AAR2: variants seen among roughly 807,000 people sequenced by gnomAD.
AAR2 encodes the protein AAR2 splicing factor, also known as protein AAR2 homolog.
A neutral mutation model predicts 26.9 loss-of-function variants in AAR2; 31 were observed. The ratio of observed to expected loss-of-function variants is 1.15; its 90% CI spans 0.86 to 1.55. The LOEUF (loss-of-function observed/expected upper bound fraction) is 1.55, where lower values mean the gene tolerates loss of function less well. Among genes scored for constraint, AAR2 ranks in the 40% most tolerant of loss-of-function variants. AAR2 has a pLI of 0.00. For missense variants in AAR2, 430 were observed against 491.3 expected (o/e 0.88, Z 1.18); for synonymous variants, 188 against 196.1 (o/e 0.96, Z 0.34).
intron 2 of AAR2, among the ~76,000 whole-genome samples, chr20:36,243,382 A>G (rs2064702665): frequency 6.6e-6 from 1 of 152,264 alleles, no homozygotes; most frequent in Non-Finnish European, 1.5e-5. Flanking sequence ...TAAACCAGGT[A>G]GCTATTCACA....
intron 1 of AAR2, among the ~76,000 whole-genome samples, chr20:36,237,715 T>C (rs2064626047): frequency 6.6e-6 from 1 of 150,920 alleles, no homozygotes; most frequent in African/African-American, 2.4e-5. Context: ...ATTAAATACT[T>C]TCTGAATTCA....
At chr20:36,243,810 T>G (rs1020876813) in intron 2 of AAR2, among the ~76,000 whole-genome samples, 7 of 152,324 alleles carry the variant, frequency 4.6e-5, no homozygotes, top group Non-Finnish European at 1.0e-4. Flanking sequence ...GAGGCCTTAA[T>G]AGATTGAGTA....
At chr20:36,246,790 A>G (rs566943439) in intron 3 of AAR2, among the ~76,000 whole-genome samples, 1 of 152,390 alleles carries the variant, frequency 6.6e-6, no homozygotes, top group East Asian at 1.9e-4. Context: ...ATGGTTGGAA[A>G]CATTCAGTCT....
At chr20:36,245,606 T>A (rs1326637488) in intron 3 of AAR2, among the ~76,000 whole-genome samples, 1 of 152,192 alleles carries the variant, frequency 6.6e-6, no homozygotes, top group Non-Finnish European at 1.5e-5. Flanking sequence ...TTCCATACTT[T>A]CCCTCCCATG....
In AAR2 at chr20:36,239,951, A is replaced by G. The variant is rs149863164; in HGVS notation, c.83A>G (p.Lys28Arg). Residue 28 changes from lysine to arginine, a missense_variant, in exon 2 of 4, where the codon AAG becomes AGG. Transcript: ENST00000320849. ...GATVVILNMP[K>R]GTEFGIDYNS... The stretch of plus-strand genomic sequence containing the variant: ...ACTGTGGTCATCCTGAACATGCCCA[A>G]GGGAACAGAGTTTGGGATTGACTAT... 35 of 1,614,140 alleles carry G rather than the reference A, an allele frequency of 2.2e-5. No individual in the cohort carries two copies. Among genetic ancestry groups the G allele is most frequent in the Non-Finnish European group, 2.5e-5 (30 of 1,179,986 alleles).
chr20:36,239,749 C>A (rs1601173280), intron 1 of AAR2, 72 bp from the exon 2 acceptor site: 1 of 1,219,952 alleles, frequency 8.2e-7, no homozygotes, highest in East Asian at 2.4e-5. Flanking sequence ...ATATCTGGCA[C>A]ATACAGAATG....
chr20:36,244,812 C>T lies in AAR2; in HGVS notation c.873C>T (p.His291=). 1 of 1,614,182 alleles carries T rather than the reference C, an allele frequency of 6.2e-7. No homozygotes were observed. The highest frequency in any genetic ancestry group is 8.5e-7 in the Non-Finnish European group (1 of 1,180,036). Residue 291 remains histidine (H), a synonymous_variant, in exon 3 of 4, where the codon CAC becomes CAT. Coordinates refer to ENST00000320849, the MANE Select transcript of AAR2 (RefSeq NM_001271874.2). Reference sequence around the variant, plus strand: ...GGTCAGAAGCAGCCATGATGAAGCACCACACCCTCTACATCAACCTCATCT... The same window carrying T: ...GGTCAGAAGCAGCCATGATGAAGCATCACACCCTCTACATCAACCTCATCT... ...LCRSEAAMMK[H]HTLYINLISI...
chr20:36,244,924 C>A lies in AAR2; in HGVS notation c.985C>A (p.Gln329Lys), dbSNP rs148948059. ...AGACAACTTCCTCACCAGCACCTTA[C>A]AGGTGAGCAGTCTTTCTGACTGAGC... ...SQDNFLTSTL[Q>K]VFFSSACSIA... Residue 329 changes from glutamine to lysine, a missense_variant and splice_region_variant, in exon 3 of 4, where the codon CAG becomes AAG. Gln to Lys is a moderately conservative substitution (Grantham distance 53). Coordinates refer to ENST00000320849, the MANE Select transcript of AAR2 (RefSeq NM_001271874.2). 6.2e-7 allele frequency: 1 copy of A among 1,612,114 alleles called. No homozygotes were observed.
chr20:36,252,799 T>A (rs149299465), intron 3 of AAR2, among the ~76,000 whole-genome samples: 2 of 152,268 alleles, frequency 1.3e-5, no homozygotes, highest in Non-Finnish European at 2.9e-5. Context: ...GGGGATGGCC[T>A]CATGGGTGTG....
intron 3 of AAR2, among the ~76,000 whole-genome samples, chr20:36,247,062 G>C (rs1482055768): frequency 6.6e-6 from 1 of 152,178 alleles, no homozygotes; most frequent in Non-Finnish European, 1.5e-5. Context: ...ATATAGCTGT[G>C]AGCAAGACAG....
intron 3 of AAR2, among the ~76,000 whole-genome samples, chr20:36,248,337 C>CTTT (rs1395708568): frequency 6.4e-5 from 9 of 139,668 alleles, no homozygotes; most frequent in Non-Finnish European, 7.8e-5. Flanking sequence ...TCTTCTTCTT[C>CTTT]TTTTTTTTTT....
intron 3 of AAR2, 132 bp from the exon 4 acceptor site, chr20:36,255,446 G>A: frequency 9.7e-7 from 1 of 1,034,580 alleles, no homozygotes; most frequent in East Asian, 2.4e-5. Context: ...CATAGCAGGT[G>A]TCCTGGGCCT....
intron 3 of AAR2, among the ~76,000 whole-genome samples, chr20:36,248,323 A>ATCT (rs1174017398): frequency 1.3e-5 from 2 of 149,852 alleles, no homozygotes; most frequent in Non-Finnish European, 3.0e-5. Context: ...TCATCTGGTT[A>ATCT]TCTTCTTCTT....
chr20:36,239,152 C>T (rs1467944280), intron 1 of AAR2, among the ~76,000 whole-genome samples: 2 of 152,166 alleles, frequency 1.3e-5, no homozygotes, highest in African/African-American at 4.8e-5. Context: ...GGTCCAGAGC[C>T]ACCACTGATT....
chr20:36,248,337 CTTTT>C (rs1395708568), intron 3 of AAR2, among the ~76,000 whole-genome samples: 1 of 139,674 alleles, frequency 7.2e-6, no homozygotes, highest in African/African-American at 2.6e-5. Context: ...TCTTCTTCTT[CTTTT>C]TTTTTTTTTT....
chr20:36,253,603 A>G (rs1365104942), intron 3 of AAR2, among the ~76,000 whole-genome samples: 2 of 152,174 alleles, frequency 1.3e-5, no homozygotes, highest in African/African-American at 4.8e-5. Flanking sequence ...GGGATCCAGG[A>G]CAATCTGGAA....
rs111591742 is a variant in AAR2, at chr20:36,240,010, G to A, written c.142G>A (p.Val48Met). The A allele has an allele frequency of 6.5e-5, 105 of 1,614,110 alleles. No individual in the cohort carries two copies. Among genetic ancestry groups the A allele is most frequent in the Non-Finnish European group, 8.3e-5 (98 of 1,180,050 alleles). The change falls in exon 2 of 4, where the codon GTG (valine) becomes ATG (methionine). Residue 48 changes from valine to methionine, a missense_variant. Coordinates refer to ENST00000320849, the MANE Select transcript of AAR2 (RefSeq NM_001271874.2). ...SWEVGPKFRGVKMIPPGIHFL... is the reference protein window; with the variant it reads ...SWEVGPKFRGMKMIPPGIHFL... Reference sequence around the variant, plus strand: ...GGAGGTCGGGCCCAAGTTCCGGGGCGTGAAGATGATCCCTCCAGGCATCCA... The same window carrying A: ...GGAGGTCGGGCCCAAGTTCCGGGGCATGAAGATGATCCCTCCAGGCATCCA...
chr20:36,248,634 T>A (rs775983444), intron 3 of AAR2, among the ~76,000 whole-genome samples: 24 of 152,206 alleles, frequency 1.6e-4, no homozygotes, highest in Non-Finnish European at 3.2e-4. Flanking sequence ...AACATTTATG[T>A]CATTTGGTGT....
rs575347370 is a variant in AAR2 at position 36,256,006 on chromosome 20, T to A, written c.*261T>A. On this transcript the variant is annotated 3_prime_UTR_variant, in exon 4 of 4. Transcript: ENST00000320849. ...CCTGGCTGAATTTCACACAGGCTCT[T>A]ACACACACACGCTCCTAGGAGACAT... 2.1e-3 allele frequency: 1,032 copies of A among 483,902 alleles called. 2 individuals are homozygous for A. Among genetic ancestry groups the A allele is most frequent in the Non-Finnish European group, 2.3e-3 (627 of 270,706 alleles). 30.0% of individuals were successfully genotyped at this position (483,902 alleles called of 1,614,324 possible). A position where few individuals can be genotyped will look rare whatever the true frequency, so the allele number is the denominator to read the frequency against.
Sources: allele counts gnomAD v4.1 joint callset (sites outside exome capture counted in the v4.1 genomes callset), GRCh38; gene constraint gnomAD v4.1.1; transcripts MANE v1.5; gene names NCBI Gene and HGNC (gene_info 2026-07-23, HGNC 2026-07-21).